Variants in NSD2 observed in about 807,000 individuals in gnomAD.
The protein encoded by NSD2 is nuclear receptor binding SET domain protein 2.
In NSD2, 12 loss-of-function variants were observed where a neutral mutation model predicts 139.0. The ratio of observed to expected loss-of-function variants is 0.09; its 90% confidence interval spans 0.06 to 0.14. The LOEUF is 0.14. NSD2 is among the 10% of genes least tolerant of loss of function. The pLI is 1.00. For synonymous variants in NSD2, 669 were observed against 648.7 expected (o/e 1.03, Z -0.48); for missense variants, 1,155 against 1,745.0 (o/e 0.66, Z 6.02).
chr4:1,947,770 G>GA, intron 9 of NSD2: 1 of 1,048,796 alleles, frequency 9.5e-7, no homozygotes, highest in Non-Finnish European at 1.2e-6. Context: ...TCAGTTTATA[G>GA]AAATATTTAT....
In NSD2 at chr4:1,956,251, C is replaced by A. The variant is rs1724791786; in HGVS notation, c.2881+63C>A. ...TCGTGCATTTTCTTACCCCTAATTTCTATTTTTTAAAATTTGATCTTTATA... is the reference window on the plus strand; with the variant it reads ...TCGTGCATTTTCTTACCCCTAATTTATATTTTTTAAAATTTGATCTTTATA... On this transcript the variant is annotated intron_variant, in intron 15 of 21. Coordinates refer to ENST00000508803, the MANE Select transcript of NSD2 (RefSeq NM_001042424.3). This position sits in a 1 kb window ranked among gnomAD's most constrained non-coding sequence, Gnocchi z 5.3. 12 of 1,414,362 alleles carry A rather than the reference C, an allele frequency of 8.5e-6. No homozygotes were observed. Among genetic ancestry groups the A allele is most frequent in the Non-Finnish European group, 8.5e-6 (9 of 1,055,130 alleles). The allele number at this position is 1,414,362 out of a possible 1,614,324, so 87.6% of individuals were successfully genotyped here. A position where few individuals can be genotyped will look rare whatever the true frequency, so the allele number is the denominator to read the frequency against.
At chr4:1,963,618 C>T (rs1162355692) in intron 18 of NSD2, among the ~76,000 whole-genome samples, 1 of 152,216 alleles carries the variant, frequency 6.6e-6, no homozygotes. Flanking sequence ...CAAGTTGGTT[C>T]CTGACATGGT....
intron 3 of NSD2, among the ~76,000 whole-genome samples, chr4:1,914,257 A>G (rs1053100796): frequency 1.3e-5 from 2 of 152,060 alleles, no homozygotes; most frequent in Non-Finnish European, 2.9e-5. Context: ...TTCTGACCTC[A>G]AGTATTCTAC....
intron 11 of NSD2, among the ~76,000 whole-genome samples, chr4:1,952,476 G>T (rs994528123): frequency 6.6e-6 from 1 of 152,182 alleles, no homozygotes; most frequent in Non-Finnish European, 1.5e-5. Flanking sequence ...TGGCGGGCAG[G>T]GTGGCGGGAT....
rs1213620339 is a variant in NSD2 at position 1,956,868 on chromosome 4, A to T, written c.2881+680A>T. Among the ~76,000 whole-genome samples, 1 of 152,244 alleles carries T rather than the reference A, an allele frequency of 6.6e-6. No homozygotes were observed. Among genetic ancestry groups the T allele is most frequent in the Non-Finnish European group, 1.5e-5 (1 of 68,052 alleles). On this transcript the variant is annotated intron_variant, in intron 15 of 21. Transcript: ENST00000508803. The surrounding 1 kb of genome is among the most constrained non-coding windows in gnomAD (Gnocchi z 5.3). ...TGTGACTGCAGGCGGGGACCCGCGT[A>T]TTTAAAGCTTGGTTAGCTCCATGCT...
intron 5 of NSD2, among the ~76,000 whole-genome samples, chr4:1,927,578 G>C (rs1721084596): frequency 6.6e-6 from 1 of 151,804 alleles, no homozygotes; most frequent in African/African-American, 2.4e-5. Flanking sequence ...AAGTAGCCAG[G>C]TGTGGTGGTG....
At chr4:1,962,530 T>G (rs1441502561) in intron 18 of NSD2, among the ~76,000 whole-genome samples, 6 of 152,180 alleles carry the variant, frequency 3.9e-5, no homozygotes, top group Non-Finnish European at 2.9e-5. Context: ...GGGAAAAAAT[T>G]TGTGTGTGTA....
At chr4:1,945,191 T>G in intron 9 of NSD2, 1 of 1,067,072 alleles carries the variant, frequency 9.4e-7, no homozygotes, top group Non-Finnish European at 1.1e-6. Context: ...CTAGGTAGAT[T>G]TAAAATGGGG....
At chr4:1,940,798 T>C (rs578184303) in intron 9 of NSD2, 1 of 1,058,710 alleles carries the variant, frequency 9.4e-7, no homozygotes, top group Non-Finnish European at 1.1e-6. Flanking sequence ...CTCAGTTGTT[T>C]CCACTCATTA....
chr4:1,881,230 C>T (rs978197016), intron 1 of NSD2, among the ~76,000 whole-genome samples: 1 of 152,084 alleles, frequency 6.6e-6, no homozygotes, highest in Non-Finnish European at 1.5e-5. Context: ...GCGTGTGCCA[C>T]TACACCTGGC....
At chr4:1,895,255 G>A (rs59927319) in intron 1 of NSD2, among the ~76,000 whole-genome samples, 4 of 152,112 alleles carry the variant, frequency 2.6e-5, no homozygotes, top group Admixed American at 2.0e-4. Flanking sequence ...AATATCTTCT[G>A]GTTCCTGCTT....
chr4:1,876,369 G>C (rs1031588706), intron 1 of NSD2, among the ~76,000 whole-genome samples: 7 of 152,150 alleles, frequency 4.6e-5, no homozygotes, highest in Admixed American at 4.6e-4. Flanking sequence ...TGCAGTGTTG[G>C]TTAGCTGAGT....
chr4:1,887,769 CTT>C (rs1157235242), intron 1 of NSD2: 2 of 152,094 alleles, frequency 1.3e-5, no homozygotes, highest in Non-Finnish European at 2.9e-5. Context: ...ACTTGTATGA[CTT>C]TGTTTTCCTG....
chr4:1,915,338 T>C (rs1719241987), intron 3 of NSD2, among the ~76,000 whole-genome samples: 1 of 152,116 alleles, frequency 6.6e-6, no homozygotes, highest in Admixed American at 6.5e-5. Flanking sequence ...ATGGTCTCGA[T>C]TTCCTGACCT....
intron 10 of NSD2, 197 bp from the exon 11 acceptor site, chr4:1,951,911 G>C: frequency 1.2e-6 from 1 of 811,254 alleles, no homozygotes; most frequent in South Asian, 2.2e-5. Flanking sequence ...TTCTGTAACA[G>C]TCATCTGGTT....
chr4:1,980,076 C>A lies in NSD2; in HGVS notation c.*1167C>A, dbSNP rs1727605774. The A allele has an allele frequency of 4.3e-6, 1 of 233,378 alleles. No individual in the cohort carries two copies. The highest frequency in any genetic ancestry group is 2.2e-5 in the African/African-American group (1 of 45,478). The allele number at this position is 233,378 out of a possible 1,614,324, so 14.5% of individuals were successfully genotyped here. On this transcript the variant is annotated 3_prime_UTR_variant, in exon 22 of 22. Transcript: ENST00000508803. ...ATCACATGTGCCCTCTGCCAGGGCACCTACTGAGAGGTGCGGTCCTGGGGG... is the reference window on the plus strand; with the variant it reads ...ATCACATGTGCCCTCTGCCAGGGCAACTACTGAGAGGTGCGGTCCTGGGGG...
intron 15 of NSD2, 66 bp from the exon 16 acceptor site, chr4:1,957,867 A>T (rs1481480482): frequency 2.1e-6 from 3 of 1,420,594 alleles, no homozygotes; most frequent in South Asian, 1.2e-5. Context: ...CTATAAAAAT[A>T]TGGAGCTTGA....
chr4:1,970,878 T>G (rs1363891534), intron 18 of NSD2, among the ~76,000 whole-genome samples: 1 of 152,206 alleles, frequency 6.6e-6, no homozygotes, highest in Non-Finnish European at 1.5e-5. Context: ...GCAGCTCCTC[T>G]GCCTCACAGT....
chr4:1,909,579 G>A (rs1325366553), intron 3 of NSD2, among the ~76,000 whole-genome samples: 1 of 152,054 alleles, frequency 6.6e-6, no homozygotes, highest in Non-Finnish European at 1.5e-5. Flanking sequence ...CGTGGAGTGG[G>A]CTGAGCATGG....
Sources: allele counts gnomAD v4.1 joint callset (sites outside exome capture counted in the v4.1 genomes callset), GRCh38; gene constraint gnomAD v4.1.1; non-coding constraint Gnocchi (gnomAD v3.1); transcripts MANE v1.5; gene names NCBI Gene and HGNC (gene_info 2026-07-23, HGNC 2026-07-21).